Variants in NRG3 observed in about 807,000 individuals in gnomAD.
NRG3 encodes the protein neuregulin 3.
Under a neutral mutation model 66.9 loss-of-function variants are expected in NRG3, and 31 were observed. The observed-to-expected ratio is 0.46, with a 90% CI of 0.35 to 0.63. The LOEUF is 0.63. Ranked by LOEUF, NRG3 falls within the 20% of genes least tolerant of loss-of-function variation. The pLI, the probability that NRG3 is intolerant of heterozygous loss-of-function variation, is 0.00. For missense variants in NRG3, 910 were observed against 878.9 expected (o/e 1.04, Z -0.45); for synonymous variants, 393 against 359.4 (o/e 1.09, Z -1.06).
chr10:82,538,203 G>T (rs1452838174), intron 2 of NRG3, among the ~76,000 whole-genome samples: 3 of 152,124 alleles, frequency 2.0e-5, no homozygotes, highest in Non-Finnish European at 4.4e-5. Context: ...ATTTTCAATT[G>T]AAATTAAACC....
intron 6 of NRG3, among the ~76,000 whole-genome samples, chr10:82,965,177 T>C (rs576847087): frequency 2.9e-4 from 44 of 152,302 alleles, no homozygotes; most frequent in African/African-American, 8.4e-4. Context: ...CATCTCCTTA[T>C]TCACTGCTAA....
chr10:82,425,890 C>A (rs1440290184), intron 2 of NRG3, among the ~76,000 whole-genome samples: 1 of 152,074 alleles, frequency 6.6e-6, no homozygotes, highest in East Asian at 1.9e-4. Flanking sequence ...ATAGAAGAGT[C>A]CTATTGATGT....
intron 1 of NRG3, among the ~76,000 whole-genome samples, chr10:81,978,929 G>A (rs947797345): frequency 1.3e-5 from 2 of 152,114 alleles, no homozygotes; most frequent in African/African-American, 2.4e-5. Context: ...GGTGGCTCAT[G>A]CCTGTAATCC....
intron 3 of NRG3, among the ~76,000 whole-genome samples, chr10:82,822,682 G>A (rs2062005795): frequency 6.6e-6 from 1 of 151,942 alleles, no homozygotes; most frequent in African/African-American, 2.4e-5. Context: ...TGGTTTGTAG[G>A]CAGCATTTTG....
At chr10:82,001,361 G>T (rs1264999646) in intron 1 of NRG3, among the ~76,000 whole-genome samples, 1 of 151,990 alleles carries the variant, frequency 6.6e-6, no homozygotes, top group African/African-American at 2.4e-5. Flanking sequence ...AAATTAGCTG[G>T]GTTTTGTGGT....
intron 4 of NRG3, among the ~76,000 whole-genome samples, chr10:82,902,274 T>C (rs548577763): frequency 6.6e-6 from 1 of 152,302 alleles, no homozygotes; most frequent in African/African-American, 2.4e-5. Context: ...TGTTTGAAGA[T>C]CATTTAAGCA....
At chr10:82,422,045 A>G (rs908010435) in intron 2 of NRG3, among the ~76,000 whole-genome samples, 7 of 152,064 alleles carry the variant, frequency 4.6e-5, no homozygotes, top group South Asian at 2.1e-4. Context: ...CATGTGATAT[A>G]TGATCGTTTA....
chr10:82,075,787 T>C (rs1030423633), intron 1 of NRG3, among the ~76,000 whole-genome samples: 8 of 152,014 alleles, frequency 5.3e-5, no homozygotes, highest in Admixed American at 1.3e-4. Flanking sequence ...GGAAATGACA[T>C]GTCTGGGGCA....
At chr10:82,189,033 T>G (rs1457734675) in intron 1 of NRG3, among the ~76,000 whole-genome samples, 1 of 152,148 alleles carries the variant, frequency 6.6e-6, no homozygotes, top group African/African-American at 2.4e-5. Flanking sequence ...ATGAAATAAT[T>G]AAGTAAACTG....
chr10:82,878,250 G>C (rs182478017), intron 4 of NRG3, among the ~76,000 whole-genome samples: 3 of 152,188 alleles, frequency 2.0e-5, no homozygotes, highest in African/African-American at 7.2e-5. Context: ...GAAGGGGCCA[G>C]AGCAGATTAT....
chr10:82,549,522 G>C (rs2044163425), intron 2 of NRG3, among the ~76,000 whole-genome samples: 1 of 152,272 alleles, frequency 6.6e-6, no homozygotes, highest in South Asian at 2.1e-4. Context: ...TCTAAAGTAA[G>C]AGATTTTTAA....
intron 1 of NRG3, among the ~76,000 whole-genome samples, chr10:82,294,716 C>A (rs2079958787): frequency 6.6e-6 from 1 of 152,132 alleles, no homozygotes; most frequent in South Asian, 2.1e-4. Flanking sequence ...ACCTTGGGTT[C>A]TTCTGTGATT....
chr10:82,712,448 T>C (rs960256416), intron 2 of NRG3, among the ~76,000 whole-genome samples: 1 of 152,188 alleles, frequency 6.6e-6, no homozygotes, highest in Non-Finnish European at 1.5e-5. Context: ...AACCTTCGGG[T>C]GCATCAGAAA....
At chr10:82,718,538 C>T (rs2057111992) in intron 2 of NRG3, among the ~76,000 whole-genome samples, 1 of 152,136 alleles carries the variant, frequency 6.6e-6, no homozygotes, top group Non-Finnish European at 1.5e-5. Context: ...GTCAAAAAGG[C>T]CTAGACACAA....
intron 2 of NRG3, among the ~76,000 whole-genome samples, chr10:82,458,445 A>G (rs375019575): frequency 2.4e-4 from 36 of 152,284 alleles, no homozygotes; most frequent in African/African-American, 8.4e-4. Flanking sequence ...ACATCTGTCT[A>G]TAGGGAATTC....
chr10:82,536,184 A>G (rs1285971128), intron 2 of NRG3, among the ~76,000 whole-genome samples: 1 of 152,214 alleles, frequency 6.6e-6, no homozygotes. Flanking sequence ...CCTATCACTC[A>G]GCAAGATTTT....
chr10:82,923,485 A>G (rs1477883415), intron 4 of NRG3, among the ~76,000 whole-genome samples: 1 of 152,248 alleles, frequency 6.6e-6, no homozygotes, highest in Non-Finnish European at 1.5e-5. Context: ...CTGCGAGAGC[A>G]AGAAGTATGT....
chr10:82,242,729 A>G (rs969399544), intron 1 of NRG3, among the ~76,000 whole-genome samples: 2 of 152,104 alleles, frequency 1.3e-5, no homozygotes, highest in African/African-American at 2.4e-5. Flanking sequence ...AGAGAGAGTA[A>G]GAAAGAAAAA....
intron 2 of NRG3, among the ~76,000 whole-genome samples, chr10:82,504,484 A>T (rs1844491689): frequency 6.6e-6 from 1 of 152,146 alleles, no homozygotes. Context: ...TGCAATTCTG[A>T]AGGGGATTCT....
Sources: gnomAD v4.1 joint callset for allele counts (sites outside exome capture counted in the v4.1 genomes callset) on GRCh38, gnomAD v4.1.1 for gene constraint, MANE v1.5 for transcripts, NCBI Gene and HGNC (gene_info 2026-07-23, HGNC 2026-07-21) for gene names.